Variants in ZNF438 observed in about 807,000 individuals in gnomAD.
ZNF438 encodes the protein zinc finger protein 438.
In ZNF438, 25 loss-of-function variants were observed where a neutral mutation model predicts 38.0. The observed-to-expected ratio is 0.66, with a 90% CI of 0.48 to 0.92. The LOEUF is 0.92. Among genes scored for constraint, ZNF438 ranks in the 40% least tolerant of loss-of-function variants. ZNF438 has a pLI of 0.00. For missense variants in ZNF438, 1,007 were observed against 999.6 expected (o/e 1.01, Z -0.10); for synonymous variants, 372 against 364.1 (o/e 1.02, Z -0.25).
Position 30,973,047 on chromosome 10 carries a change from G to A in ZNF438, c.-191-31396C>T, listed in dbSNP as rs372688655. Among the ~76,000 whole-genome samples the A allele has an allele frequency of 3.3e-5, 5 of 152,066 alleles. No homozygotes were observed. In the East Asian group the frequency reaches 9.7e-4, roughly 29 times the overall value. On this transcript the variant is annotated intron_variant, in intron 1 of 5. Coordinates refer to ENST00000413025, the Ensembl canonical transcript of ZNF438. ...TTTTCCTTCCAGATGCTCAGCTATG[G>A]ACTCATTAATATAAAGCAGCTATAC...
intron 4 of ZNF438, among the ~76,000 whole-genome samples, chr10:30,853,648 T>C (rs1487696176): frequency 6.6e-6 from 1 of 152,248 alleles, no homozygotes; most frequent in East Asian, 1.9e-4. Flanking sequence ...TTTAAAACTA[T>C]ATCCCATTGT....
chr10:30,849,071 G>A (rs1481196391), exon 5 of ZNF438: 2 of 1,614,010 alleles, frequency 1.2e-6, no homozygotes. Flanking sequence ...GGCCAAAGTG[G>A]GTATGACCAT....
At chr10:31,021,183 A>T (rs954725685) in intron 1 of ZNF438, among the ~76,000 whole-genome samples, 11 of 152,122 alleles carry the variant, frequency 7.2e-5, no homozygotes, top group African/African-American at 2.7e-4. Flanking sequence ...ACATAAATAC[A>T]GACAGCACTT....
intron 1 of ZNF438, among the ~76,000 whole-genome samples, chr10:31,006,027 T>TC (rs2055093628): frequency 6.6e-6 from 1 of 152,210 alleles, no homozygotes; most frequent in African/African-American, 2.4e-5. Context: ...AGGATGTCCA[T>TC]CCCTTATTCC....
At chr10:30,998,360 G>A (rs868806945) in intron 1 of ZNF438, among the ~76,000 whole-genome samples, 11 of 151,310 alleles carry the variant, frequency 7.3e-5, no homozygotes, top group Non-Finnish European at 1.5e-4. Flanking sequence ...CTAACACAGT[G>A]AAACCCCGTC....
At chr10:30,949,153 C>T (rs1166917227) in intron 1 of ZNF438, among the ~76,000 whole-genome samples, 1 of 152,006 alleles carries the variant, frequency 6.6e-6, no homozygotes, top group African/African-American at 2.4e-5. Flanking sequence ...CCAAACTAAG[C>T]TTCATAAGCG....
intron 4 of ZNF438, among the ~76,000 whole-genome samples, chr10:30,854,339 T>C (rs1414508395): frequency 6.6e-6 from 1 of 152,110 alleles, no homozygotes; most frequent in Non-Finnish European, 1.5e-5. Flanking sequence ...ATAGATAAAG[T>C]ATCACATATA....
chr10:30,848,368 A>G (rs886531439), intron 5 of ZNF438, among the ~76,000 whole-genome samples, 163 bp downstream of exon 6: 2 of 152,212 alleles, frequency 1.3e-5, no homozygotes, highest in African/African-American at 4.8e-5. Flanking sequence ...ACCAGAGAGA[A>G]ACAAGATCAT....
At chr10:31,022,220 T>C (rs1475519762) in intron 1 of ZNF438, among the ~76,000 whole-genome samples, 1 of 151,740 alleles carries the variant, frequency 6.6e-6, no homozygotes, top group Non-Finnish European at 1.5e-5. Flanking sequence ...AGTCACTGTT[T>C]GGTGGCCTGC....
intron 1 of ZNF438, among the ~76,000 whole-genome samples, chr10:30,978,188 A>G (rs1476531091): frequency 1.2e-4 from 18 of 152,200 alleles, no homozygotes; most frequent in Non-Finnish European, 2.2e-4. Flanking sequence ...GAAACTGGAA[A>G]TGTACACCAA....
chr10:30,990,297 A>C (rs1364629400), intron 1 of ZNF438, among the ~76,000 whole-genome samples: 2 of 152,224 alleles, frequency 1.3e-5, no homozygotes, highest in African/African-American at 4.8e-5. Context: ...TAAATGAAAA[A>C]AATAAAAAGA....
intron 1 of ZNF438, among the ~76,000 whole-genome samples, chr10:31,000,647 C>A (rs1423525776): frequency 6.6e-6 from 1 of 152,126 alleles, no homozygotes; most frequent in Admixed American, 6.5e-5. Context: ...AAGGGACACT[C>A]TGATGTACAG....
At chr10:30,853,229 AT>A (rs1434193762) in intron 4 of ZNF438, among the ~76,000 whole-genome samples, 1 of 152,218 alleles carries the variant, frequency 6.6e-6, no homozygotes, top group Non-Finnish European at 1.5e-5. Context: ...TTACCGCAAG[AT>A]GAGCTAGAAC....
At chr10:30,864,043 C>T (rs943470286) in intron 4 of ZNF438, among the ~76,000 whole-genome samples, 1 of 152,202 alleles carries the variant, frequency 6.6e-6, no homozygotes, top group Non-Finnish European at 1.5e-5. Context: ...TGCCCTATCC[C>T]CAGGGCCATC....
At position 30,877,031 on chromosome 10, in the gene ZNF438, G is replaced by A. The variant is rs1423540969; in HGVS notation, c.4C>T (p.Gln2Ter). The change falls in exon 4 of 6, where the codon CAG becomes TAG. Residue 2 changes from glutamine to a stop codon, truncating the protein, a stop_gained. Transcript: ENST00000413025. LOFTEE classifies it high-confidence loss of function. ...TTTGGTGGTACTGATACAGAATTCTGCATTATGATGTACTGGACTTGAATA... is the reference window on the plus strand; with the variant it reads ...TTTGGTGGTACTGATACAGAATTCTACATTATGATGTACTGGACTTGAATA... 2.5e-6 allele frequency: 4 copies of A among 1,605,458 alleles called. No individual in the cohort carries two copies. Among genetic ancestry groups the A allele is most frequent in the Non-Finnish European group, 3.4e-6 (4 of 1,176,018 alleles).
intron 2 of ZNF438, among the ~76,000 whole-genome samples, chr10:30,911,484 G>C (rs542765976): frequency 2.0e-5 from 3 of 152,076 alleles, no homozygotes; most frequent in African/African-American, 4.8e-5. Flanking sequence ...CATGCCTCCC[G>C]TCTCCTTCTC....
intron 2 of ZNF438, chr10:30,919,301 TTGGCCTTGC>T (rs1234646889): frequency 2.6e-5 from 4 of 152,262 alleles, no homozygotes; most frequent in Non-Finnish European, 4.4e-5. Flanking sequence ...CCCTTCATCT[TTGGCCTTGC>T]TGGCCTCTCT....
chr10:30,999,827 C>G (rs759620796), intron 1 of ZNF438, among the ~76,000 whole-genome samples: 1 of 152,136 alleles, frequency 6.6e-6, no homozygotes, highest in Non-Finnish European at 1.5e-5. Context: ...TTCTCCTCCC[C>G]TCAATTTACA....
chr10:31,022,913 G>T (rs1208939651), intron 1 of ZNF438, among the ~76,000 whole-genome samples: 1 of 152,086 alleles, frequency 6.6e-6, no homozygotes, highest in East Asian at 1.9e-4. Context: ...TTAAGCTACA[G>T]GAATGAACAA....
Sources: gnomAD v4.1 joint callset for allele counts (sites outside exome capture counted in the v4.1 genomes callset) on GRCh38, gnomAD v4.1.1 for gene constraint, MANE v1.5 for transcripts, NCBI Gene and HGNC (gene_info 2026-07-23, HGNC 2026-07-21) for gene names.